ZMAT4: variants seen among roughly 807,000 people sequenced by gnomAD.
ZMAT4 encodes the protein zinc finger matrin-type protein 4.
ZMAT4 carries 17 observed loss-of-function variants against 28.7 expected under a neutral mutation model. The observed-to-expected ratio is 0.59, with a 90% CI of 0.41 to 0.89. The LOEUF is 0.89. Among genes scored for constraint, ZMAT4 ranks in the 40% least tolerant of loss-of-function variants. The probability of loss-of-function intolerance (pLI) is 0.00; values close to 1 mark genes in which losing one functional copy is unlikely to be tolerated. For missense variants in ZMAT4, 240 were observed against 283.8 expected, an observed-to-expected ratio of 0.85 and a Z score of 1.11; for synonymous variants, 117 against 109.2, an observed-to-expected ratio of 1.07 and a Z score of -0.44.
chr8:40,750,552 T>C (rs920978647), intron 3 of ZMAT4, among the ~76,000 whole-genome samples: 1 of 152,160 alleles, frequency 6.6e-6, no homozygotes, highest in Non-Finnish European at 1.5e-5. Context: ...TAAAAGCGAA[T>C]GATACAAATT....
At chr8:40,632,087 A>G (rs1806606231) in intron 5 of ZMAT4, among the ~76,000 whole-genome samples, 1 of 152,176 alleles carries the variant, frequency 6.6e-6, no homozygotes, top group South Asian at 2.1e-4. Flanking sequence ...AACAGAGCCA[A>G]AAATGTTTGT....
Position 40,824,319 on chromosome 8 carries a change from C to T in ZMAT4, c.102+1256G>A, listed in dbSNP as rs1267963817. Among the ~76,000 whole-genome samples the T allele has an allele frequency of 1.3e-5, 2 of 152,220 alleles. 1 individual carries two copies. Among genetic ancestry groups the T allele is most frequent in the Non-Finnish European group, 2.9e-5 (2 of 68,036 alleles). On this transcript the variant is annotated intron_variant, in intron 2 of 6. Transcript: ENST00000297737. ...AATTAGCTGAGTGCAGTGGCATGTG[C>T]CTGTAGTCCCAGCTGCTCAGGAGGC...
chr8:40,545,143 A>T (rs1241784001), intron 6 of ZMAT4, among the ~76,000 whole-genome samples: 1 of 152,092 alleles, frequency 6.6e-6, no homozygotes, highest in Non-Finnish European at 1.5e-5. Context: ...ACCCACAAGG[A>T]ACCAAATCTT....
At chr8:40,662,869 G>T (rs761499148) in intron 5 of ZMAT4, among the ~76,000 whole-genome samples, 7 of 152,050 alleles carry the variant, frequency 4.6e-5, no homozygotes, top group Non-Finnish European at 7.3e-5. Context: ...ACTCTGAATA[G>T]TGCACCAAGA....
At chr8:40,683,803 G>A (rs891756570) in intron 4 of ZMAT4, among the ~76,000 whole-genome samples, 3 of 152,016 alleles carry the variant, frequency 2.0e-5, no homozygotes, top group African/African-American at 4.8e-5. Context: ...AGTGGCTCAC[G>A]CTTGTAATTC....
chr8:40,592,184 G>A (rs770506039), intron 5 of ZMAT4, among the ~76,000 whole-genome samples: 49 of 152,170 alleles, frequency 3.2e-4, no homozygotes, highest in Non-Finnish European at 6.0e-4. Flanking sequence ...GGAACCTCAG[G>A]GACAAACCCA....
At chr8:40,762,995 C>A (rs991731688) in intron 3 of ZMAT4, among the ~76,000 whole-genome samples, 3 of 152,192 alleles carry the variant, frequency 2.0e-5, no homozygotes, top group Non-Finnish European at 4.4e-5. Context: ...AGGGCCTTTT[C>A]CCACTCTTTT....
chr8:40,586,428 A>C (rs1418597907), intron 5 of ZMAT4, among the ~76,000 whole-genome samples: 1 of 152,216 alleles, frequency 6.6e-6, no homozygotes, highest in African/African-American at 2.4e-5. Flanking sequence ...ATCCAGTTGG[A>C]GACAGAAAAC....
chr8:40,697,065 T>G, intron 4 of ZMAT4, 180 bp downstream of exon 4: 1 of 583,998 alleles, frequency 1.7e-6, no homozygotes, highest in Non-Finnish European at 2.9e-6. Flanking sequence ...TGAAATGGTA[T>G]TTAGGGGTCT....
chr8:40,658,240 A>G (rs1287209621), intron 5 of ZMAT4, among the ~76,000 whole-genome samples: 1 of 152,148 alleles, frequency 6.6e-6, no homozygotes, highest in Non-Finnish European at 1.5e-5. Flanking sequence ...TCTCAGTATT[A>G]GTCTCTATTG....
At chr8:40,808,424 C>A in intron 2 of ZMAT4, 1 of 362,196 alleles carries the variant, frequency 2.8e-6, no homozygotes, top group South Asian at 2.0e-5. Flanking sequence ...CTTTTTATTA[C>A]AGGATATTTA....
chr8:40,870,827 G>A (rs927172162), intron 1 of ZMAT4, among the ~76,000 whole-genome samples: 11 of 152,308 alleles, frequency 7.2e-5, no homozygotes, highest in African/African-American at 2.6e-4. Context: ...GGTCTGCATT[G>A]AGATTTTGCA....
chr8:40,784,687 T>G (rs931296795), intron 2 of ZMAT4, among the ~76,000 whole-genome samples: 3 of 152,204 alleles, frequency 2.0e-5, no homozygotes, highest in African/African-American at 4.8e-5. Flanking sequence ...ATCAGTTTGA[T>G]GGACGTGAAG....
chr8:40,576,641 A>G (rs879882786), intron 6 of ZMAT4, among the ~76,000 whole-genome samples: 3 of 152,228 alleles, frequency 2.0e-5, no homozygotes, highest in Non-Finnish European at 2.9e-5. Context: ...TCACCAGACC[A>G]GCCTTACAAA....
chr8:40,646,779 C>G (rs1431724668), intron 5 of ZMAT4, among the ~76,000 whole-genome samples: 1 of 152,126 alleles, frequency 6.6e-6, no homozygotes, highest in Admixed American at 6.5e-5. Flanking sequence ...ACTCCACTTT[C>G]AATATGGATA....
At chr8:40,658,542 G>A (rs1440753146) in intron 5 of ZMAT4, among the ~76,000 whole-genome samples, 2 of 151,546 alleles carry the variant, frequency 1.3e-5, no homozygotes, top group Admixed American at 6.6e-5. Context: ...CTTTTAGCTT[G>A]AGCTAAGATG....
At chr8:40,698,010 ATT>A (rs1297475552) in intron 3 of ZMAT4, among the ~76,000 whole-genome samples, 14 of 152,166 alleles carry the variant, frequency 9.2e-5, no homozygotes, top group African/African-American at 3.4e-4. Flanking sequence ...AGAAATTATC[ATT>A]TGTTATTCCG....
chr8:40,602,520 C>A (rs542492441), intron 5 of ZMAT4, among the ~76,000 whole-genome samples: 2 of 152,168 alleles, frequency 1.3e-5, no homozygotes, highest in African/African-American at 2.4e-5. Context: ...TTCACCACAT[C>A]CATGCCAATC....
intron 1 of ZMAT4, among the ~76,000 whole-genome samples, chr8:40,866,596 T>C (rs537272534): frequency 6.6e-6 from 1 of 152,352 alleles, no homozygotes; most frequent in Admixed American, 6.5e-5. Context: ...TTATCTTTTT[T>C]TCCCCCTAAG....
Sources: allele counts gnomAD v4.1 joint callset (sites outside exome capture counted in the v4.1 genomes callset), GRCh38; gene constraint gnomAD v4.1.1; transcripts MANE v1.5; gene names NCBI Gene and HGNC (gene_info 2026-07-23, HGNC 2026-07-21).